Variants in MAGI2 observed in about 807,000 individuals in gnomAD.
The protein encoded by MAGI2 is membrane-associated guanylate kinase, WW and PDZ domain-containing protein 2.
In MAGI2, 35 loss-of-function variants were observed where a neutral mutation model predicts 133.3. That is an observed-to-expected ratio of 0.26 (90% CI 0.20 to 0.35). The LOEUF is 0.35. Ranked by LOEUF, MAGI2 falls within the 10% of genes least tolerant of loss-of-function variation. The probability of loss-of-function intolerance (pLI) is 1.00; values close to 1 mark genes in which losing one functional copy is unlikely to be tolerated. For synonymous variants in MAGI2, 729 were observed against 710.6 expected (o/e 1.03, Z -0.41); for missense variants, 1,636 against 1,863.4 (o/e 0.88, Z 2.25).
At chr7:78,158,631 G>A (rs572244954) in intron 16 of MAGI2, among the ~76,000 whole-genome samples, 13 of 152,278 alleles carry the variant, frequency 8.5e-5, no homozygotes, top group African/African-American at 3.1e-4. Context: ...AGTCGTCCTT[G>A]TTCATTCCTG....
chr7:78,379,677 A>G (rs1218809669), intron 6 of MAGI2, among the ~76,000 whole-genome samples: 1 of 152,006 alleles, frequency 6.6e-6, no homozygotes, highest in Non-Finnish European at 1.5e-5. Context: ...AACTAGGCAG[A>G]TCTTGTGGCT....
chr7:78,626,059 C>T (rs1006605763), intron 3 of MAGI2, among the ~76,000 whole-genome samples: 1 of 152,086 alleles, frequency 6.6e-6, no homozygotes, highest in Non-Finnish European at 1.5e-5. Context: ...ACGTGGCAAA[C>T]CCAGCTTATT....
Position 78,173,746 on chromosome 7 carries a change from G to C in MAGI2, c.2403+4265C>G, listed in dbSNP as rs1409978825. ...CCAATGTCTTTTAATTCAGTCCTCTGGGTTGGGTACTGGGATGGGAATCTC... is the reference window on the plus strand; with the variant it reads ...CCAATGTCTTTTAATTCAGTCCTCTCGGTTGGGTACTGGGATGGGAATCTC... On this transcript the variant is annotated intron_variant, in intron 14 of 21. Transcript: ENST00000354212. Among the ~76,000 whole-genome samples the C allele has an allele frequency of 7.2e-5, 11 of 152,080 alleles. No individual in the cohort carries two copies. In the South Asian group the frequency reaches 2.3e-3, roughly 32 times the overall value.
chr7:78,030,844 C>T (rs543520629), intron 21 of MAGI2, among the ~76,000 whole-genome samples: 1 of 152,204 alleles, frequency 6.6e-6, no homozygotes, highest in Admixed American at 6.5e-5. Flanking sequence ...ATTTAGTTAA[C>T]ATCTGACTCA....
chr7:78,476,166 G>T (rs1791729724), intron 6 of MAGI2, among the ~76,000 whole-genome samples: 1 of 151,890 alleles, frequency 6.6e-6, no homozygotes, highest in South Asian at 2.1e-4. Flanking sequence ...TATTTTGTTT[G>T]CAGATAAATT....
rs1794645453 is a variant in MAGI2 at position 78,501,753 on chromosome 7, G to T, written c.789C>A (p.Ala263=). ...SSEHEDKSAG[A]SGEMPSQPYP... ...AAGGCTGGGAGGGCATCTCCCCTGAGGCACCTGCACTTTTGTCTTCATGTT... is the reference window on the plus strand; with the variant it reads ...AAGGCTGGGAGGGCATCTCCCCTGATGCACCTGCACTTTTGTCTTCATGTT... The change falls in exon 5 of 22, where the codon GCC becomes GCA. Residue 263 remains alanine (A), a synonymous_variant. Transcript: ENST00000354212. 6.2e-7 allele frequency: 1 copy of T among 1,613,956 alleles called. No individual in the cohort carries two copies. Among genetic ancestry groups the T allele is most frequent in the East Asian group, 2.2e-5 (1 of 44,862 alleles).
chr7:78,464,967 C>T lies in MAGI2; in HGVS notation c.1045+24794G>A, dbSNP rs113206634. ...TAAATTCAATAATACTATCATAGTG[C>T]GTATTATAACTATGCTTCTATAATC... On this transcript the variant is annotated intron_variant, in intron 6 of 21. Transcript: ENST00000354212. Among the ~76,000 whole-genome samples the T allele has an allele frequency of 6.4e-3, 967 of 152,034 alleles. 13 individuals carry two copies. The highest frequency in any genetic ancestry group is 8.8e-3 in the Non-Finnish European group (595 of 67,982).
At chr7:79,124,458 A>G (rs999131142) in intron 1 of MAGI2, among the ~76,000 whole-genome samples, 1 of 152,216 alleles carries the variant, frequency 6.6e-6, no homozygotes, top group African/African-American at 2.4e-5. Flanking sequence ...TCACAGAGCC[A>G]GAAGAGGAAA....
intron 13 of MAGI2, 58 bp downstream of exon 13, chr7:78,185,571 G>C (rs1053789638): frequency 7.5e-7 from 1 of 1,332,272 alleles, no homozygotes. Flanking sequence ...AGAATGATTT[G>C]TTACACAAAA....
Position 78,651,445 on chromosome 7 carries a change from CT to C in MAGI2, c.419-24207del, listed in dbSNP as rs551901915. Among the ~76,000 whole-genome samples, 8 of 152,160 alleles carry C rather than the reference CT, an allele frequency of 5.3e-5. 1 individual carries two copies. The South Asian group carries it at 1.7e-3, about 32-fold the overall frequency. On this transcript the variant is annotated intron_variant, in intron 2 of 21. Transcript: ENST00000354212. ...TTCAGCGCACCCACTGAAGCACCCC[CT>C]GTGCTTTGTTTTTAGCTCCCTTTCT...
chr7:78,555,223 C>T (rs2110633), intron 3 of MAGI2, among the ~76,000 whole-genome samples: 85,994 of 135,896 alleles, frequency 0.63, 26,183 homozygotes, highest in East Asian at 0.78. Flanking sequence ...GATAGATAGA[C>T]AGATAGATAG....
At chr7:78,204,360 T>A (rs1829539283) in intron 10 of MAGI2, among the ~76,000 whole-genome samples, 1 of 152,166 alleles carries the variant, frequency 6.6e-6, no homozygotes, top group Admixed American at 6.5e-5. Flanking sequence ...TAGGCTTGGT[T>A]CTCCTGAAAA....
chr7:78,637,844 T>G (rs1054268830), intron 2 of MAGI2, among the ~76,000 whole-genome samples: 4 of 152,178 alleles, frequency 2.6e-5, no homozygotes, highest in Admixed American at 2.0e-4. Context: ...CTCACATCTG[T>G]AACCCCAGCA....
At chr7:78,497,655 A>G (rs1053327621) in intron 5 of MAGI2, among the ~76,000 whole-genome samples, 1 of 152,188 alleles carries the variant, frequency 6.6e-6, no homozygotes, top group Admixed American at 6.5e-5. Context: ...ACTGTTTAAT[A>G]CGTCTTTTAA....
intron 2 of MAGI2, among the ~76,000 whole-genome samples, chr7:79,006,121 A>G (rs1462076882): frequency 1.3e-5 from 2 of 152,152 alleles, no homozygotes; most frequent in Non-Finnish European, 2.9e-5. Context: ...ATTATCCAGT[A>G]TCTATTCCAG....
At chr7:78,113,489 A>G (rs527692359) in intron 20 of MAGI2, among the ~76,000 whole-genome samples, 10 of 152,150 alleles carry the variant, frequency 6.6e-5, no homozygotes, top group Non-Finnish European at 1.5e-4. Flanking sequence ...TAGTCCCATA[A>G]TATTTTAATA....
chr7:78,284,064 T>C (rs1279073924), intron 9 of MAGI2, among the ~76,000 whole-genome samples: 1 of 149,068 alleles, frequency 6.7e-6, no homozygotes, highest in Admixed American at 6.8e-5. Flanking sequence ...ATTTAACAGA[T>C]GAGTAAATTA....
At chr7:78,645,625 T>C (rs1436069065) in intron 2 of MAGI2, among the ~76,000 whole-genome samples, 1 of 140,394 alleles carries the variant, frequency 7.1e-6, no homozygotes, top group Non-Finnish European at 1.6e-5. Context: ...TTAACTATTT[T>C]GCAGATATAA....
intron 1 of MAGI2, among the ~76,000 whole-genome samples, chr7:79,219,910 T>C (rs848816): frequency 0.74 from 112,467 of 151,910 alleles, 43,880 homozygotes; most frequent in Non-Finnish European, 0.85. Context: ...CTATAGAAAA[T>C]TGAGATTAAT....
Sources: allele counts gnomAD v4.1 joint callset (sites outside exome capture counted in the v4.1 genomes callset), GRCh38; gene constraint gnomAD v4.1.1; transcripts MANE v1.5; gene names NCBI Gene and HGNC (gene_info 2026-07-23, HGNC 2026-07-21).